NOD2: variants seen among roughly 807,000 people sequenced by gnomAD.
NOD2 encodes nucleotide binding oligomerization domain containing 2, also known as nucleotide-binding oligomerization domain-containing protein 2.
NOD2 carries 86 observed loss-of-function variants against 90.9 expected under a neutral mutation model. The ratio of observed to expected loss-of-function variants is 0.95; its 90% CI spans 0.79 to 1.13. The LOEUF (loss-of-function observed/expected upper bound fraction) is 1.13, where lower values mean the gene tolerates loss of function less well. NOD2 is among the 50% of genes most tolerant of loss of function. The pLI, the probability that NOD2 is intolerant of heterozygous loss-of-function variation, is 0.00. For synonymous variants in NOD2, 581 were observed against 554.6 expected (o/e 1.05, Z -0.67); for missense variants, 1,238 against 1,283.8 (o/e 0.96, Z 0.55).
rs761373812 is a variant in NOD2 at position 50,731,753 on chromosome 16, A to C, written c.2976A>C (p.Arg992=). The C allele has an allele frequency of 6.2e-7, 1 of 1,613,042 alleles. No homozygotes were observed. Among genetic ancestry groups the C allele is most frequent in the Non-Finnish European group, 8.5e-7 (1 of 1,179,044 alleles). Residue 992 remains arginine (R), a synonymous_variant, in exon 12 of 12, where the codon CGA becomes CGC. Transcript: ENST00000647318. ...RNDTILEVWL[R]GNTFSLEEVD... is the part of the protein sequence containing the mutation. Reference sequence around the variant, plus strand: ...TTCACTTGATCTGCTTTAGGCTCCGAGGGAACACTTTCTCTCTAGAGGAGG... The same window carrying C: ...TTCACTTGATCTGCTTTAGGCTCCGCGGGAACACTTTCTCTCTAGAGGAGG...
intron 9 of NOD2, among the ~76,000 whole-genome samples, chr16:50,724,193 C>G (rs1008548849): frequency 6.6e-6 from 1 of 152,122 alleles, no homozygotes; most frequent in Non-Finnish European, 1.5e-5. Context: ...TCCCGGGAAG[C>G]AGAAAGGCAC....
At chr16:50,713,907 C>T (rs1257788234) in intron 4 of NOD2, among the ~76,000 whole-genome samples, 2 of 152,316 alleles carry the variant, frequency 1.3e-5, no homozygotes, top group African/African-American at 4.8e-5. Context: ...AGGCATCAGC[C>T]TCCCAGGAGC....
intron 9 of NOD2, among the ~76,000 whole-genome samples, chr16:50,724,174 G>T (rs576119705): frequency 6.6e-6 from 1 of 152,272 alleles, no homozygotes; most frequent in South Asian, 2.1e-4. Flanking sequence ...AATACTGAAT[G>T]TTTGATTTTC....
chr16:50,720,791 A>G (rs896462863), intron 7 of NOD2, among the ~76,000 whole-genome samples: 13 of 152,160 alleles, frequency 8.5e-5, no homozygotes, highest in African/African-American at 2.9e-4. Context: ...GTTGCCCCCA[A>G]GCTCAGTTTT....
rs114555387 is a variant in NOD2, at chr16:50,717,810, C to T, written c.2549+836C>T. On this transcript the variant is annotated intron_variant, in intron 6 of 11. Transcript: ENST00000647318. ...AGGCTGTGGCCAGACCTGGCTGGCCCATCCCTGAGAAGGGTGCTAGTTTCA... is the reference window on the plus strand; with the variant it reads ...AGGCTGTGGCCAGACCTGGCTGGCCTATCCCTGAGAAGGGTGCTAGTTTCA... 9.5e-3 allele frequency among the ~76,000 whole-genome samples: 1,447 copies of T among 152,314 alleles called. 27 individuals are homozygous for T. The highest frequency in any genetic ancestry group is 0.033 in the African/African-American group (1,384 of 41,576).
At chr16:50,710,163 C>G (rs74600858) in intron 3 of NOD2, 2 of 383,228 alleles carry the variant, frequency 5.2e-6, no homozygotes, top group Admixed American at 6.8e-5. Flanking sequence ...ACAGGTCTTC[C>G]GATCCCAGCC....
chr16:50,705,897 A>G (rs1964165694), intron 2 of NOD2, among the ~76,000 whole-genome samples: 1 of 152,222 alleles, frequency 6.6e-6, no homozygotes, highest in African/African-American at 2.4e-5. Context: ...TTGGAAATAC[A>G]CACACTCCAG....
intron 4 of NOD2, among the ~76,000 whole-genome samples, chr16:50,715,362 G>C (rs1043130220): frequency 3.3e-5 from 5 of 151,896 alleles, no homozygotes; most frequent in Non-Finnish European, 7.4e-5. Flanking sequence ...CTGTGTACCG[G>C]GTGCTCACAA....
intron 9 of NOD2, among the ~76,000 whole-genome samples, chr16:50,724,205 G>A (rs1965186832): frequency 6.6e-6 from 1 of 152,206 alleles, no homozygotes; most frequent in South Asian, 2.1e-4. Context: ...GAAAGGCACT[G>A]CAACATATGG....
At chr16:50,726,492 A>T (rs74017786) in intron 10 of NOD2, among the ~76,000 whole-genome samples, 4,865 of 152,274 alleles carry the variant, frequency 0.032, 254 homozygotes, top group African/African-American at 0.11. Flanking sequence ...CACTTCCACT[A>T]ATTATTTGGG....
chr16:50,710,450 C>T, intron 3 of NOD2, 108 bp from the exon 4 acceptor site: 1 of 1,504,670 alleles, frequency 6.6e-7, no homozygotes, highest in Non-Finnish European at 9.2e-7. Context: ...CCCGCTGGCT[C>T]TCCTATCCCT....
chr16:50,714,131 C>T (rs1411724200), intron 4 of NOD2, among the ~76,000 whole-genome samples: 1 of 152,164 alleles, frequency 6.6e-6, no homozygotes, highest in African/African-American at 2.4e-5. Flanking sequence ...GCATCACTGG[C>T]CTGTGTGATC....
Position 50,699,654 on chromosome 16 carries a change from T to A in NOD2, c.159T>A (p.Pro53=), listed in dbSNP as rs1404416626. The change falls in exon 2 of 12, where the codon CCT becomes CCA. Residue 53 remains proline (P), a synonymous_variant. Transcript: ENST00000647318. ...AGGGCTTCCACCTCCTGGGCCAGCC[T>A]CTCTCCCACTTGGCCAGGCGCCTTC... ...DYEGFHLLGQ[P]LSHLARRLLD... The A allele has an allele frequency of 6.2e-7, 1 of 1,614,124 alleles. No individual in the cohort carries two copies. Among genetic ancestry groups the A allele is most frequent in the Admixed American group, 1.7e-5 (1 of 60,008 alleles).
intron 2 of NOD2, among the ~76,000 whole-genome samples, chr16:50,703,245 T>C (rs1964018835): frequency 6.6e-6 from 1 of 152,234 alleles, no homozygotes; most frequent in African/African-American, 2.4e-5. Context: ...TCTTTGCCTT[T>C]CTTTAATGTT....
chr16:50,710,509 C>T (rs181977800), intron 3 of NOD2, 49 bp from the exon 4 acceptor site: 35 of 1,613,072 alleles, frequency 2.2e-5, no homozygotes, highest in South Asian at 9.9e-5. Flanking sequence ...GGTTAGGTCC[C>T]GTCTTCACCA....
chr16:50,700,053 G>C (rs1963867900), intron 2 of NOD2, 99 bp downstream of exon 2: 1 of 1,190,550 alleles, frequency 8.4e-7, no homozygotes, highest in Admixed American at 2.0e-5. Flanking sequence ...GGGGTAACTT[G>C]GTCCATGGGA....
intron 2 of NOD2, among the ~76,000 whole-genome samples, chr16:50,705,109 T>C (rs937502928): frequency 2.6e-5 from 4 of 152,226 alleles, no homozygotes; most frequent in Admixed American, 6.5e-5. Context: ...CTGTGTCTTT[T>C]TGCTCTACTT....
At chr16:50,698,970 C>G (rs887305263) in intron 1 of NOD2, among the ~76,000 whole-genome samples, 4 of 151,350 alleles carry the variant, frequency 2.6e-5, no homozygotes, top group Non-Finnish European at 5.9e-5. Context: ...CTCTCTTGCC[C>G]AGGCTGGAGC....
At chr16:50,697,531 A>T (rs1324212559) in intron 1 of NOD2, 1 of 646,906 alleles carries the variant, frequency 1.5e-6, no homozygotes. Flanking sequence ...GTGTTTCCAC[A>T]GCTGAGAACC....
Sources: gnomAD v4.1 joint callset for allele counts (sites outside exome capture counted in the v4.1 genomes callset) on GRCh38, gnomAD v4.1.1 for gene constraint, MANE v1.5 for transcripts, NCBI Gene and HGNC (gene_info 2026-07-23, HGNC 2026-07-21) for gene names.